CCAR1: variants seen among roughly 807,000 people sequenced by gnomAD.
The protein encoded by CCAR1 is cell division cycle and apoptosis regulator protein 1.
A neutral mutation model predicts 163.8 loss-of-function variants in CCAR1; 78 were observed. That is an observed-to-expected ratio of 0.48 (90% CI 0.40 to 0.57). The LOEUF is 0.57. Among genes scored for constraint, CCAR1 ranks in the 20% least tolerant of loss-of-function variants. The probability of loss-of-function intolerance (pLI) is 0.00; values close to 1 mark genes in which losing one functional copy is unlikely to be tolerated. For missense variants in CCAR1, 1,019 were observed against 1,365.2 expected, an observed-to-expected ratio of 0.75 and a Z score of 4.00; for synonymous variants, 443 against 460.7, an observed-to-expected ratio of 0.96 and a Z score of 0.49.
chr10:68,756,529 C>G lies in CCAR1; in HGVS notation c.1836+46C>G. 6.9e-7 allele frequency: 1 copy of G among 1,442,446 alleles called. No individual in the cohort carries two copies. Among genetic ancestry groups the G allele is most frequent in the Non-Finnish European group, 9.6e-7 (1 of 1,046,374 alleles). 89.4% of individuals were successfully genotyped at this position (1,442,446 alleles called of 1,614,324 possible). Reference sequence around the variant, plus strand: ...TTTCTATTTCCGCTTCTCACAGGCACAGGAACACAGGCACAAATGCACACC... The same window carrying G: ...TTTCTATTTCCGCTTCTCACAGGCAGAGGAACACAGGCACAAATGCACACC... On this transcript the variant is annotated intron_variant, in intron 14 of 24. Coordinates refer to ENST00000265872, the MANE Select transcript of CCAR1 (RefSeq NM_018237.4). The surrounding 1 kb of genome is among the most constrained non-coding windows in gnomAD (Gnocchi z 5.1).
chr10:68,776,064 C>T (rs1054817990), intron 19 of CCAR1, among the ~76,000 whole-genome samples: 43 of 150,232 alleles, frequency 2.9e-4, no homozygotes, highest in Non-Finnish European at 5.5e-4. Flanking sequence ...CTCCTGACCT[C>T]GTGATTTACC....
chr10:68,729,917 A>T lies in CCAR1; in HGVS notation c.74-6959A>T, dbSNP rs983049719. Among the ~76,000 whole-genome samples the T allele has an allele frequency of 1.7e-4, 9 of 54,396 alleles. No homozygotes were observed. In the Admixed American group the frequency reaches 1.8e-3, roughly 11 times the overall value. The allele number at this position is 54,396 out of a possible 152,430, so 35.7% of individuals were successfully genotyped here. ...TTTTATTCATTATTTCAGAAAGATG[A>T]CTCACTTTTTTTTTTTATTGAGATG... On this transcript the variant is annotated intron_variant, in intron 2 of 24. Transcript: ENST00000265872.
rs1444538182 is a variant in CCAR1, at chr10:68,772,169, G to A, written c.2538+724G>A. 4.6e-5 allele frequency among the ~76,000 whole-genome samples: 7 copies of A among 152,114 alleles called. No homozygotes were observed. The South Asian group carries it at 8.3e-4, about 18-fold the overall frequency. On this transcript the variant is annotated intron_variant, in intron 18 of 24. Transcript: ENST00000265872. Reference sequence around the variant, plus strand: ...GCTGGTATTACAGATGTGAGCCACCGCACCCAGCCTAATTATTATTATACA... The same window carrying A: ...GCTGGTATTACAGATGTGAGCCACCACACCCAGCCTAATTATTATTATACA...
At chr10:68,722,094 A>T (rs147302268) in intron 1 of CCAR1, among the ~76,000 whole-genome samples, 4 of 152,300 alleles carry the variant, frequency 2.6e-5, no homozygotes, top group African/African-American at 9.6e-5. Flanking sequence ...TGCCAGAAGA[A>T]ACACGCAGGC....
intron 19 of CCAR1, among the ~76,000 whole-genome samples, chr10:68,784,126 G>A (rs1264185678): frequency 6.6e-6 from 1 of 152,172 alleles, no homozygotes; most frequent in Non-Finnish European, 1.5e-5. Flanking sequence ...CTGTGAAGAT[G>A]CTGTTAACAT....
At chr10:68,751,215 CAG>C (rs1731391274) in intron 10 of CCAR1, among the ~76,000 whole-genome samples, 4 of 151,826 alleles carry the variant, frequency 2.6e-5, no homozygotes, top group Admixed American at 2.6e-4. Flanking sequence ...TTAGTAGAAA[CAG>C]GGTTTCACCA....
At chr10:68,786,335 T>G (rs1478404789) in intron 20 of CCAR1, 117 bp downstream of exon 20, 1 of 829,152 alleles carries the variant, frequency 1.2e-6, no homozygotes, top group Non-Finnish European at 1.9e-6. Flanking sequence ...AGTAAAATTC[T>G]GTCAGTTGTT....
rs138204734 is a variant in CCAR1, at chr10:68,792,302, T to C, written c.*1036T>C. The C allele has an allele frequency of 1.6e-3, 249 of 152,294 alleles. 1 individual carries two copies. The highest frequency in any genetic ancestry group is 5.8e-3 in the African/African-American group (241 of 41,564). The allele number at this position is 152,294 out of a possible 1,614,324, so 9.4% of individuals were successfully genotyped here. On this transcript the variant is annotated 3_prime_UTR_variant, in exon 25 of 25. Transcript: ENST00000265872. ...TGCAGTGTATGTCAAATTTACAGTT[T>C]AGTACCAAGCCAGTAGATGTCAGTA...
intron 10 of CCAR1, among the ~76,000 whole-genome samples, chr10:68,753,013 T>C (rs1341964967): frequency 6.6e-6 from 1 of 152,134 alleles, no homozygotes. Context: ...AACTGACAGG[T>C]TTATTACTCT....
intron 6 of CCAR1, among the ~76,000 whole-genome samples, chr10:68,743,264 T>G (rs1165757774): frequency 6.6e-6 from 1 of 151,466 alleles, no homozygotes; most frequent in Non-Finnish European, 1.5e-5. Context: ...TGGTTCGATC[T>G]CAGCTCACGG....
intron 6 of CCAR1, among the ~76,000 whole-genome samples, chr10:68,744,541 A>G (rs538339372): frequency 1.7e-4 from 26 of 152,228 alleles, no homozygotes; most frequent in Non-Finnish European, 3.2e-4. Context: ...AATAATTTTT[A>G]AAAGTTCCTT....
At chr10:68,729,615 G>A (rs928848268) in intron 2 of CCAR1, among the ~76,000 whole-genome samples, 1 of 151,434 alleles carries the variant, frequency 6.6e-6, no homozygotes, top group Non-Finnish European at 1.5e-5. Context: ...AGGGTCGCTT[G>A]ATTCCAGGAG....
chr10:68,786,723 A>G (rs1219581383), intron 21 of CCAR1, 31 bp downstream of exon 21: 2 of 1,548,774 alleles, frequency 1.3e-6, no homozygotes, highest in Non-Finnish European at 1.7e-6. Context: ...TTAAAAGGAA[A>G]ACATTTTTTA....
chr10:68,771,482 A>G (rs1039018543), intron 18 of CCAR1, 37 bp downstream of exon 18: 4 of 1,516,260 alleles, frequency 2.6e-6, no homozygotes, highest in Non-Finnish European at 2.7e-6. Flanking sequence ...GCTTTCAGTT[A>G]CTCTTCTAGG....
intron 18 of CCAR1, among the ~76,000 whole-genome samples, 170 bp from the exon 19 acceptor site, chr10:68,772,812 TATAATA>T (rs963394670): frequency 1.3e-5 from 2 of 150,220 alleles, no homozygotes; most frequent in African/African-American, 4.9e-5. Flanking sequence ...GTTATGATAA[TATAATA>T]ATAATATAAC....
At chr10:68,723,244 C>A (rs1408866809) in intron 2 of CCAR1, among the ~76,000 whole-genome samples, 1 of 151,234 alleles carries the variant, frequency 6.6e-6, no homozygotes, top group Non-Finnish European at 1.5e-5. Flanking sequence ...GCCTCAGCCT[C>A]CTGAGTAGCT....
At chr10:68,728,194 A>T (rs929860048) in intron 2 of CCAR1, among the ~76,000 whole-genome samples, 1 of 152,110 alleles carries the variant, frequency 6.6e-6, no homozygotes. Context: ...AAATATTTAC[A>T]TGTGTATCTG....
chr10:68,732,099 T>C (rs1270850494), intron 2 of CCAR1, among the ~76,000 whole-genome samples: 1 of 152,148 alleles, frequency 6.6e-6, no homozygotes, highest in East Asian at 1.9e-4. Flanking sequence ...CTTCCCAGGG[T>C]TGTGGGAGTT....
intron 19 of CCAR1, among the ~76,000 whole-genome samples, chr10:68,777,129 A>G (rs2056676382): frequency 6.6e-6 from 1 of 152,128 alleles, no homozygotes; most frequent in Non-Finnish European, 1.5e-5. Flanking sequence ...TCAGGAAGTT[A>G]TATTTGCTCT....
Sources: gnomAD v4.1 joint callset for allele counts (sites outside exome capture counted in the v4.1 genomes callset) on GRCh38, gnomAD v4.1.1 for gene constraint, Gnocchi (gnomAD v3.1) non-coding constraint, MANE v1.5 for transcripts, NCBI Gene and HGNC (gene_info 2026-07-23, HGNC 2026-07-21) for gene names.